HADHA: variants seen among roughly 807,000 people sequenced by gnomAD.
The protein encoded by HADHA is hydroxyacyl-CoA dehydrogenase trifunctional multienzyme complex subunit alpha, also known as trifunctional enzyme subunit alpha, mitochondrial.
A neutral mutation model predicts 91.3 loss-of-function variants in HADHA; 59 were observed. The ratio of observed to expected loss-of-function variants is 0.65; its 90% CI spans 0.52 to 0.80. HADHA has a LOEUF of 0.80. Among genes scored for constraint, HADHA ranks in the 30% least tolerant of loss-of-function variants. The probability of loss-of-function intolerance (pLI) is 0.00; values close to 1 mark genes in which losing one functional copy is unlikely to be tolerated. For synonymous variants in HADHA, 320 were observed against 338.9 expected (o/e 0.94, Z 0.61); for missense variants, 800 against 927.6 (o/e 0.86, Z 1.79).
chr2:26,233,053 G>C (rs1411934760), intron 5 of HADHA, among the ~76,000 whole-genome samples: 1 of 152,136 alleles, frequency 6.6e-6, no homozygotes, highest in Non-Finnish European at 1.5e-5. Flanking sequence ...GCGCAACCTG[G>C]ATCCCTCTCA....
At position 26,221,860 on chromosome 2, in the gene HADHA, T is replaced by C. The variant is rs754147469; in HGVS notation, c.677-6685A>G. On this transcript the variant is annotated intron_variant, in intron 7 of 19. Coordinates refer to ENST00000380649, the MANE Select transcript of HADHA (RefSeq NM_000182.5). The surrounding 1 kb of genome is among the most constrained non-coding windows in gnomAD (Gnocchi z 4.8). ...GCAGTACTTCTGACAGTGCACCCGG[T>C]TGTTCATTTTGTCTAGAAAGAAAAA... Among the ~76,000 whole-genome samples the C allele has an allele frequency of 1.8e-4, 27 of 152,210 alleles. No homozygotes were observed. Among genetic ancestry groups the C allele is most frequent in the Non-Finnish European group, 3.4e-4 (23 of 68,038 alleles).
intron 11 of HADHA, among the ~76,000 whole-genome samples, chr2:26,209,537 A>G (rs532098288): frequency 8.1e-4 from 123 of 152,332 alleles, no homozygotes; most frequent in African/African-American, 2.6e-3. Context: ...TCTAGGCAAC[A>G]TCAATATGTG....
In HADHA at chr2:26,214,303, C is replaced by T. The variant is rs544711816; in HGVS notation, c.918+140G>A. 1.3e-6 allele frequency: 1 copy of T among 745,022 alleles called. No homozygotes were observed. Among genetic ancestry groups the T allele is most frequent in the East Asian group, 2.5e-5 (1 of 40,220 alleles). 46.2% of individuals were successfully genotyped at this position (745,022 alleles called of 1,614,324 possible). A position where few individuals can be genotyped will look rare whatever the true frequency, so the allele number is the denominator to read the frequency against. On this transcript the variant is annotated intron_variant, in intron 9 of 19. Transcript: ENST00000380649. This position sits in a 1 kb window ranked among gnomAD's most constrained non-coding sequence, Gnocchi z 4.1. The stretch of plus-strand genomic sequence containing the variant: ...GTCCTTACAGCTTGCTATGCCCTTC[C>T]CTTATTTTTGGTAAATACTTTAATA...
At chr2:26,197,581 C>G in intron 14 of HADHA, 110 bp downstream of exon 14, 1 of 743,962 alleles carries the variant, frequency 1.3e-6, no homozygotes, top group Non-Finnish European at 2.5e-6. Context: ...TTAGGAACCA[C>G]CCGCATCCAC....
rs1419666935 is a variant in HADHA, at chr2:26,232,151, T to C, written c.573+9A>G. On this transcript the variant is annotated intron_variant, in intron 6 of 19. Coordinates refer to ENST00000380649, the MANE Select transcript of HADHA (RefSeq NM_000182.5). ...GCATATAGCTTCACAAAGGGGATGTTAGACTCACCATTTTGGGCAGCCTTT... is the reference window on the plus strand; with the variant it reads ...GCATATAGCTTCACAAAGGGGATGTCAGACTCACCATTTTGGGCAGCCTTT... 2.5e-6 allele frequency: 4 copies of C among 1,606,716 alleles called. No individual in the cohort carries two copies. The highest frequency in any genetic ancestry group is 2.7e-5 in the African/African-American group (2 of 74,812).
chr2:26,195,418 T>A (rs570697763), intron 14 of HADHA, among the ~76,000 whole-genome samples, 186 bp from the exon 15 acceptor site: 4 of 152,074 alleles, frequency 2.6e-5, no homozygotes, highest in Non-Finnish European at 2.9e-5. Context: ...GGAGAGCACA[T>A]TGGAATCCTC....
intron 7 of HADHA, among the ~76,000 whole-genome samples, chr2:26,219,890 C>T (rs10221814): frequency 0.8 from 121,461 of 152,098 alleles, 48,570 homozygotes; most frequent in African/African-American, 0.85. Flanking sequence ...AGAAGTATAA[C>T]TTGAATCACC....
chr2:26,207,934 A>G (rs576050989), intron 11 of HADHA, among the ~76,000 whole-genome samples: 46 of 152,348 alleles, frequency 3.0e-4, no homozygotes, highest in African/African-American at 9.9e-4. Flanking sequence ...AATTACTGAT[A>G]ACTGGGAAAG....
At chr2:26,194,697 C>T (rs542895378) in intron 15 of HADHA, 59 bp from the exon 16 acceptor site, 3 of 1,064,828 alleles carry the variant, frequency 2.8e-6, no homozygotes, top group South Asian at 2.5e-5. Context: ...GTCTGAAACA[C>T]TCTACCTTTC....
intron 7 of HADHA, among the ~76,000 whole-genome samples, chr2:26,220,701 A>G (rs1335853813): frequency 1.3e-5 from 2 of 152,260 alleles, no homozygotes; most frequent in Non-Finnish European, 2.9e-5. Flanking sequence ...ATCTGTTAGT[A>G]AAGACCACCA....
intron 5 of HADHA, among the ~76,000 whole-genome samples, chr2:26,233,851 C>T (rs996409811): frequency 6.6e-6 from 1 of 152,088 alleles, no homozygotes; most frequent in Non-Finnish European, 1.5e-5. Context: ...GAGGCCGAGG[C>T]GGGAGGATCA....
intron 3 of HADHA, among the ~76,000 whole-genome samples, chr2:26,237,960 T>C (rs1048199285): frequency 6.6e-6 from 1 of 152,240 alleles, no homozygotes. Flanking sequence ...AGTTGTCAAC[T>C]GCTTCCATCT....
chr2:26,192,507 C>T, intron 17 of HADHA, 83 bp from the exon 18 acceptor site: 1 of 832,170 alleles, frequency 1.2e-6, no homozygotes, highest in South Asian at 1.3e-5. Context: ...CCTGGCCTGG[C>T]CAGGCGTGGT....
At chr2:26,241,273 T>C (rs1670880748) in intron 1 of HADHA, among the ~76,000 whole-genome samples, 1 of 152,088 alleles carries the variant, frequency 6.6e-6, no homozygotes, top group South Asian at 2.1e-4. Context: ...TTTCTCAAGA[T>C]TCAACACTGG....
rs562724139 is a variant in HADHA, at chr2:26,191,290, G to A, written c.2252C>T (p.Ala751Val). 3.1e-6 allele frequency: 5 copies of A among 1,613,354 alleles called. No homozygotes were observed. The African/African-American group carries it at 5.3e-5, about 17-fold the overall frequency. The change falls in exon 20 of 20, where the codon GCT (alanine) becomes GTT (valine). Residue 751 changes from alanine (A) to valine (V), a missense_variant. Transcript: ENST00000380649. ...CTTGTTAGGGCTGTTAGCATGGTCAGCTAGCAGCTGGCATGGGGTGAACTG... is the reference window on the plus strand; with the variant it reads ...CTTGTTAGGGCTGTTAGCATGGTCAACTAGCAGCTGGCATGGGGTGAACTG... The part of the protein sequence containing the change: ...GKQFTPCQLL[A>V]DHANSPNKKF...
intron 14 of HADHA, among the ~76,000 whole-genome samples, chr2:26,196,440 TTCACA>T (rs2147754940): frequency 6.6e-6 from 1 of 152,318 alleles, no homozygotes; most frequent in African/African-American, 2.4e-5. Context: ...TCTTGAAGTG[TTCACA>T]TCAATGAGTT....
chr2:26,192,335 G>C lies in HADHA; in HGVS notation c.1975C>G (p.Leu659Val). 1.3e-6 allele frequency: 2 copies of C among 1,598,552 alleles called. No homozygotes were observed. The highest frequency in any genetic ancestry group is 1.7e-6 in the Non-Finnish European group (2 of 1,165,766). Residue 659 changes from leucine (L) to valine (V), a missense_variant, in exon 18 of 20, where the codon CTG (leucine) becomes GTG (valine). Transcript: ENST00000380649. ...ACTTCAGACTTAGGAGGCAGCTTCA[G>C]ACTCGCTAAAATACTATCCATGTCA... ...NSDMDSILAS[L>V]KLPPKSEVSS... is the part of the protein sequence containing the mutation.
intron 7 of HADHA, among the ~76,000 whole-genome samples, chr2:26,216,195 A>AGG (rs1670214938): frequency 6.6e-6 from 1 of 152,110 alleles, no homozygotes; most frequent in African/African-American, 2.4e-5. Context: ...GCCACATTGG[A>AGG]GGAGGTGGCT....
At chr2:26,204,797 G>A (rs895092978) in intron 11 of HADHA, among the ~76,000 whole-genome samples, 3 of 152,046 alleles carry the variant, frequency 2.0e-5, no homozygotes, top group Admixed American at 6.5e-5. Context: ...TGCCCAGGCT[G>A]GTCTCGAACT....
Sources: gnomAD v4.1 joint callset for allele counts (sites outside exome capture counted in the v4.1 genomes callset) on GRCh38, gnomAD v4.1.1 for gene constraint, Gnocchi (gnomAD v3.1) non-coding constraint, MANE v1.5 for transcripts, NCBI Gene and HGNC (gene_info 2026-07-23, HGNC 2026-07-21) for gene names.